The following LONP1 variants were observed in gnomAD, a reference collection of about 807,000 sequenced individuals.
LONP1 encodes the protein lon protease homolog, mitochondrial.
Under a neutral mutation model 98.5 loss-of-function variants are expected in LONP1, and 31 were observed. That is an observed-to-expected ratio of 0.31 (90% CI 0.24 to 0.42). LONP1 has a LOEUF of 0.42. LONP1 is among the 20% of genes least tolerant of loss of function. The pLI, the probability that LONP1 is intolerant of heterozygous loss-of-function variation, is 1.00. For synonymous variants in LONP1, 781 were observed against 594.7 expected (o/e 1.31, Z -4.56); for missense variants, 1,336 against 1,350.6 (o/e 0.99, Z 0.17).
intron 8 of LONP1, among the ~76,000 whole-genome samples, chr19:5,701,756 G>A (rs986253465): frequency 2.6e-5 from 4 of 151,662 alleles, no homozygotes; most frequent in Admixed American, 2.0e-4. Context: ...CCGCCACCCT[G>A]TCTGGGAAGT....
At chr19:5,697,282 GACTGAGATGCC>G (rs1568313983) in intron 10 of LONP1, among the ~76,000 whole-genome samples, 2 of 151,990 alleles carry the variant, frequency 1.3e-5, no homozygotes, top group East Asian at 1.9e-4. Context: ...GGGATGGAGG[GACTGAGATGCC>G]ACTGGGATGT....
In LONP1 at chr19:5,692,141, G is replaced by A. The variant is rs1199904265; in HGVS notation, c.2771C>T (p.Ala924Val). 5.0e-6 allele frequency: 8 copies of A among 1,614,036 alleles called. No individual in the cohort carries two copies. Among genetic ancestry groups the A allele is most frequent in the Middle Eastern group, 1.6e-4 (1 of 6,084 alleles). ...CTCCAGGCCCTCGGTGATGAAGGCT[G>A]CCAGGTCGTAGAAGTCCTTCTTGTT... is the stretch of plus-strand genomic sequence containing the variant. ...AENKKDFYDL[A>V]AFITEGLEVH... The change falls in exon 18 of 18, where the codon GCA becomes GTA. Residue 924 changes from alanine (A) to valine (V), a missense_variant. By Grantham distance (64) the Ala-to-Val change is moderately conservative (BLOSUM62 0). This residue lies in a region of LONP1 where 555 missense variants were observed against 542.6 expected (regional missense o/e 1.02). Coordinates refer to ENST00000360614, the MANE Select transcript of LONP1 (RefSeq NM_004793.4).
At chr19:5,694,657 T>TGATGGGCGCGGGGTGGTGGGGG in intron 14 of LONP1, 104 bp downstream of exon 14, 3 of 1,558,752 alleles carry the variant, frequency 1.9e-6, no homozygotes, top group Non-Finnish European at 1.7e-6. Flanking sequence ...GGTGGTGGGG[T>TGATGGGCGCGGGGTGGTGGGGG]GATGGGCGCA....
Position 5,719,902 on chromosome 19 carries a change from G to A in LONP1, c.231C>T (p.Gly77=). ...AGGCGTCCTCGCCCCCCGAGAATGC[G>A]CCTCCGCCGCGGCTGCTCGCTTCCC... ...GFWEASSRGG[G]AFSGGEDASE... is the part of the protein sequence containing the mutation. Residue 77 remains glycine, a synonymous_variant, in exon 1 of 18, where the codon GGC becomes GGT. Coordinates refer to ENST00000360614, the MANE Select transcript of LONP1 (RefSeq NM_004793.4). The A allele has an allele frequency of 6.4e-7, 1 of 1,552,232 alleles. No homozygotes were observed. The highest frequency in any genetic ancestry group is 8.7e-7 in the Non-Finnish European group (1 of 1,150,010).
At chr19:5,694,717 G>A (rs375602365) in intron 14 of LONP1, 44 bp downstream of exon 14, 108 of 1,579,502 alleles carry the variant, frequency 6.8e-5, no homozygotes, top group Non-Finnish European at 8.7e-5. Flanking sequence ...GCGTGGGATG[G>A]TGAGGTGGGC....
rs768182825 is a variant in LONP1 at position 5,692,084 on chromosome 19, A to G, written c.2828T>C (p.Phe943Ser). ...CTGCTCGTCCGGGAAGGCGATGTCG[A>G]AGATCTCCCGGTAGTGTTCCACGAA... ...VHFVEHYREI[F>S]DIAFPDEQAE... The change falls in exon 18 of 18, where the codon TTC (phenylalanine) becomes TCC (serine). Residue 943 changes from phenylalanine (F) to serine (S), a missense_variant. By Grantham distance (155) the Phe-to-Ser change is radical. Transcript: ENST00000360614. 2 of 1,610,138 alleles carry G rather than the reference A, an allele frequency of 1.2e-6. No homozygotes were observed. The highest frequency in any genetic ancestry group is 2.2e-5 in the South Asian group (2 of 90,884).
At chr19:5,710,928 A>G (rs1307231224) in intron 4 of LONP1, among the ~76,000 whole-genome samples, 1 of 152,072 alleles carries the variant, frequency 6.6e-6, no homozygotes, top group Admixed American at 6.6e-5. Flanking sequence ...TGGGAGGCTG[A>G]GGCATGAGAA....
At chr19:5,715,515 A>G (rs866740486) in intron 1 of LONP1, among the ~76,000 whole-genome samples, 160 of 150,196 alleles carry the variant, frequency 1.1e-3, no homozygotes, top group African/African-American at 3.8e-3. Context: ...GGTGGCGGGC[A>G]CCTGTAGTCC....
intron 13 of LONP1, among the ~76,000 whole-genome samples, chr19:5,695,359 C>A (rs183817932): frequency 6.6e-6 from 1 of 152,174 alleles, no homozygotes; most frequent in East Asian, 1.9e-4. Context: ...GTGAGACGGA[C>A]AGAGCCATGC....
intron 1 of LONP1, chr19:5,717,574 G>A (rs1197571847): frequency 6.6e-6 from 1 of 152,264 alleles, no homozygotes; most frequent in African/African-American, 2.4e-5. Flanking sequence ...TCTGCAGAAC[G>A]GAGGGGACCA....
At chr19:5,697,534 G>GGAGA (rs1448685839) in intron 10 of LONP1, among the ~76,000 whole-genome samples, 2 of 138,066 alleles carry the variant, frequency 1.4e-5, no homozygotes, top group East Asian at 4.5e-4. Context: ...GAGGAGAGGG[G>GGAGA]GAAGAGGGAG....
Position 5,710,082 on chromosome 19 carries a change from A to AT in LONP1, c.871-1680dup, listed in dbSNP as rs35535433. 4.9e-3 allele frequency among the ~76,000 whole-genome samples: 671 copies of AT among 137,552 alleles called. 2 individuals are homozygous for AT. The highest frequency in any genetic ancestry group is 7.8e-3 in the African/African-American group (293 of 37,560). The allele number at this position is 137,552 out of a possible 152,430, so 90.2% of individuals were successfully genotyped here. On this transcript the variant is annotated intron_variant, in intron 4 of 17. Transcript: ENST00000360614. Reference sequence around the variant, plus strand: ...AGTGTAGCCGCTGGTGGCTGTCTGAATTTTTTTTTTTTTTTTTTGAGACAG... The same window carrying AT: ...AGTGTAGCCGCTGGTGGCTGTCTGAATTTTTTTTTTTTTTTTTTTGAGACAG...
intron 1 of LONP1, among the ~76,000 whole-genome samples, chr19:5,718,477 CA>C (rs368724850): frequency 0.067 from 6,728 of 100,956 alleles, 130 homozygotes; most frequent in Middle Eastern, 0.12. Context: ...AACTTGGTCT[CA>C]AAAAAAAAAA....
intron 4 of LONP1, among the ~76,000 whole-genome samples, chr19:5,709,745 T>TA (rs1186732916): frequency 1.3e-5 from 2 of 151,206 alleles, no homozygotes; most frequent in African/African-American, 4.9e-5. Flanking sequence ...CCGTCTCTAC[T>TA]AAAAAATACA....
intron 9 of LONP1, among the ~76,000 whole-genome samples, chr19:5,699,796 G>A (rs2145594096): frequency 6.6e-6 from 1 of 151,958 alleles, no homozygotes; most frequent in South Asian, 2.1e-4. Flanking sequence ...CTGACCTTGT[G>A]ATCCACCCGC....
rs1456043486 is a variant in LONP1 at position 5,691,912 on chromosome 19, T to C, written c.*120A>G. 1.7e-5 allele frequency: 20 copies of C among 1,162,468 alleles called. No individual in the cohort carries two copies. In the Admixed American group the frequency reaches 2.0e-4, roughly 12 times the overall value. 72.0% of individuals were successfully genotyped at this position (1,162,468 alleles called of 1,614,324 possible). Reference sequence around the variant, plus strand: ...CCGACTGAGGTCCCTGGGATCTGGGTCACTGGACCGAGCTGCTCGCTCGGT... The same window carrying C: ...CCGACTGAGGTCCCTGGGATCTGGGCCACTGGACCGAGCTGCTCGCTCGGT... On this transcript the variant is annotated 3_prime_UTR_variant, in exon 18 of 18. Coordinates refer to ENST00000360614, the MANE Select transcript of LONP1 (RefSeq NM_004793.4).
chr19:5,697,296 T>G (rs2145587002), intron 10 of LONP1, among the ~76,000 whole-genome samples: 1 of 151,702 alleles, frequency 6.6e-6, no homozygotes, highest in East Asian at 1.9e-4. Context: ...GAGATGCCAC[T>G]GGGATGTGTG....
intron 10 of LONP1, among the ~76,000 whole-genome samples, chr19:5,697,231 T>G (rs2054949360): frequency 1.3e-5 from 2 of 151,250 alleles, no homozygotes; most frequent in Non-Finnish European, 3.0e-5. Flanking sequence ...CGAGAGACAG[T>G]GAGGAAGGCT....
At chr19:5,697,171 C>T (rs2054947806) in intron 10 of LONP1, among the ~76,000 whole-genome samples, 1 of 152,096 alleles carries the variant, frequency 6.6e-6, no homozygotes, top group South Asian at 2.1e-4. Context: ...GTGCTCTGCC[C>T]CAGCACAGGG....
Sources: gnomAD v4.1 joint callset for allele counts (sites outside exome capture counted in the v4.1 genomes callset) on GRCh38, gnomAD v4.1.1 for gene constraint, gnomAD v4.1.1 regional missense constraint, MANE v1.5 for transcripts, NCBI Gene and HGNC (gene_info 2026-07-23, HGNC 2026-07-21) for gene names.